Variants in PCDH15 observed in about 807,000 individuals in gnomAD.
The protein encoded by PCDH15 is protocadherin-15.
In PCDH15, 129 loss-of-function variants were observed where a neutral mutation model predicts 178.5. The ratio of observed to expected loss-of-function variants is 0.72; its 90% confidence interval spans 0.63 to 0.84. The LOEUF (loss-of-function observed/expected upper bound fraction) is 0.84. Among genes scored for constraint, PCDH15 ranks in the 40% least tolerant of loss-of-function variants. The pLI, the probability that PCDH15 is intolerant of heterozygous loss-of-function variation, is 0.00. For missense variants in PCDH15, 2,230 were observed against 2,099.9 expected (o/e 1.06, Z -1.21); for synonymous variants, 800 against 732.0 (o/e 1.09, Z -1.50).
At chr10:53,894,549 C>A (rs1189741336) in intron 26 of PCDH15, among the ~76,000 whole-genome samples, 1 of 152,106 alleles carries the variant, frequency 6.6e-6, no homozygotes, top group African/African-American at 2.4e-5. Flanking sequence ...TGCATCTGTT[C>A]TATATGTAAC....
At chr10:54,674,757 A>T (rs1186887474) in intron 1 of PCDH15, among the ~76,000 whole-genome samples, 1 of 152,110 alleles carries the variant, frequency 6.6e-6, no homozygotes, top group East Asian at 1.9e-4. Flanking sequence ...TTTTTCTAGG[A>T]AACTGTAACT....
intron 21 of PCDH15, among the ~76,000 whole-genome samples, chr10:53,992,848 A>G (rs576405930): frequency 1.3e-5 from 2 of 152,188 alleles, no homozygotes; most frequent in Non-Finnish European, 2.9e-5. Flanking sequence ...TAGAGGGAAA[A>G]GTTCCTGGAA....
intron 2 of PCDH15, among the ~76,000 whole-genome samples, chr10:55,519,812 C>A (rs1020848181): frequency 1.3e-5 from 2 of 150,946 alleles, no homozygotes; most frequent in African/African-American, 2.4e-5. Context: ...CTATAAATGT[C>A]AAGCAACTTC....
chr10:54,775,751 G>C (rs1397839451), intron 1 of PCDH15, among the ~76,000 whole-genome samples: 1 of 152,146 alleles, frequency 6.6e-6, no homozygotes, highest in East Asian at 1.9e-4. Context: ...TGGGCGTGGT[G>C]GCGGGCGCCT....
intron 23 of PCDH15, among the ~76,000 whole-genome samples, chr10:53,950,177 T>C (rs2086901801): frequency 6.6e-6 from 1 of 152,006 alleles, no homozygotes; most frequent in African/African-American, 2.4e-5. Context: ...GAATTTGATA[T>C]ATTAAATTTT....
At chr10:53,922,715 T>A (rs551297041) in intron 25 of PCDH15, among the ~76,000 whole-genome samples, 6 of 152,312 alleles carry the variant, frequency 3.9e-5, no homozygotes, top group East Asian at 1.9e-4. Context: ...TGAAATATCA[T>A]CAAATAGGGA....
intron 2 of PCDH15, among the ~76,000 whole-genome samples, chr10:55,434,798 G>A (rs1245666509): frequency 6.6e-6 from 1 of 151,880 alleles, no homozygotes; most frequent in Non-Finnish European, 1.5e-5. Flanking sequence ...TAGAGACAGG[G>A]TTTCACCATA....
chr10:55,093,039 G>A (rs1477646045), intron 2 of PCDH15, among the ~76,000 whole-genome samples: 1 of 151,896 alleles, frequency 6.6e-6, no homozygotes, highest in African/African-American at 2.4e-5. Context: ...CAATGAAGAT[G>A]AACTGTGGTA....
At position 55,064,827 on chromosome 10, in the gene PCDH15, G is replaced by C. The variant is rs77388026; in HGVS notation, c.-80+101749C>G. ...GAAAACAAAGACATTTTAACTGTGA[G>C]TGAAAATAACAAAGGTGCTAAACTA... On this transcript the variant is annotated intron_variant, in intron 2 of 5. Coordinates refer to the PCDH15 transcript ENST00000458638. Among the ~76,000 whole-genome samples, 1,309 of 152,166 alleles carry C rather than the reference G, an allele frequency of 8.6e-3. 20 individuals carry two copies. Among genetic ancestry groups the C allele is most frequent in the African/African-American group, 0.03 (1,243 of 41,524 alleles).
intron 1 of PCDH15, among the ~76,000 whole-genome samples, chr10:55,271,018 A>T (rs1174335427): frequency 1.3e-5 from 2 of 152,092 alleles, no homozygotes; most frequent in South Asian, 4.1e-4. Context: ...CCATAATCCT[A>T]AGCAAATTAA....
intron 2 of PCDH15, among the ~76,000 whole-genome samples, chr10:55,087,457 G>T (rs1842201028): frequency 6.6e-6 from 1 of 152,194 alleles, no homozygotes; most frequent in African/African-American, 2.4e-5. Flanking sequence ...ATACCAGGTT[G>T]ACAGGTGCTA....
intron 2 of PCDH15, among the ~76,000 whole-genome samples, chr10:54,588,896 G>A (rs976421287): frequency 6.6e-6 from 1 of 152,086 alleles, no homozygotes; most frequent in Admixed American, 6.6e-5. Context: ...ATTTGTAAAA[G>A]AGTTGAGAAT....
chr10:54,421,779 T>A (rs1417482610), intron 3 of PCDH15, among the ~76,000 whole-genome samples: 5 of 139,238 alleles, frequency 3.6e-5, no homozygotes, highest in Non-Finnish European at 7.7e-5. Flanking sequence ...AGGTTTGTGT[T>A]AGGGCCTACA....
chr10:54,856,283 TG>T (rs1564573679), intron 3 of PCDH15, among the ~76,000 whole-genome samples: 3 of 152,076 alleles, frequency 2.0e-5, no homozygotes, highest in African/African-American at 7.2e-5. Context: ...TATGAGGGTA[TG>T]GGGCAGGAGG....
At chr10:55,189,999 T>C (rs920551589) in intron 1 of PCDH15, among the ~76,000 whole-genome samples, 2 of 151,780 alleles carry the variant, frequency 1.3e-5, no homozygotes, top group Non-Finnish European at 2.9e-5. Context: ...ATACATAAAA[T>C]GGAAAATTAT....
chr10:55,173,307 T>TTG (rs778106530), intron 1 of PCDH15, among the ~76,000 whole-genome samples: 14 of 64,096 alleles, frequency 2.2e-4, no homozygotes, highest in South Asian at 8.7e-4. Flanking sequence ...ATTAGAAAGA[T>TTG]TATGTGTGTG....
intron 6 of PCDH15, among the ~76,000 whole-genome samples, chr10:54,346,108 T>C (rs1943236488): frequency 6.6e-6 from 1 of 152,158 alleles, no homozygotes; most frequent in Non-Finnish European, 1.5e-5. Context: ...ACCACAAACA[T>C]AACAGAAATT....
chr10:53,867,931 T>C (rs2079566772), intron 26 of PCDH15, among the ~76,000 whole-genome samples: 1 of 152,142 alleles, frequency 6.6e-6, no homozygotes, highest in African/African-American at 2.4e-5. Flanking sequence ...TAGGTACTTA[T>C]GATCCACATA....
chr10:54,917,767 G>C (rs1166142252), intron 2 of PCDH15, among the ~76,000 whole-genome samples: 1 of 152,130 alleles, frequency 6.6e-6, no homozygotes, highest in Admixed American at 6.6e-5. Context: ...CCATAAAAAT[G>C]GGGAAGGTTC....
Sources: gnomAD v4.1 joint callset for allele counts (sites outside exome capture counted in the v4.1 genomes callset) on GRCh38, gnomAD v4.1.1 for gene constraint, MANE v1.5 for transcripts, NCBI Gene and HGNC (gene_info 2026-07-23, HGNC 2026-07-21) for gene names.